SFTPD: variants seen among roughly 807,000 people sequenced by gnomAD.
The protein encoded by SFTPD is pulmonary surfactant-associated protein D.
SFTPD carries 18 observed loss-of-function variants against 34.6 expected under a neutral mutation model. The observed-to-expected ratio is 0.52, with a 90% CI of 0.36 to 0.77. The LOEUF (loss-of-function observed/expected upper bound fraction) is 0.77, where lower values mean the gene tolerates loss of function less well. Ranked by LOEUF, SFTPD falls within the 30% of genes least tolerant of loss-of-function variation. SFTPD has a pLI of 0.00. For missense variants in SFTPD, 433 were observed against 468.9 expected (o/e 0.92, Z 0.71); for synonymous variants, 155 against 180.9 (o/e 0.86, Z 1.15).
chr10:79,942,562 G>T, intron 3 of SFTPD, 58 bp from the exon 4 acceptor site: 1 of 1,171,602 alleles, frequency 8.5e-7, no homozygotes, highest in Non-Finnish European at 1.3e-6. Flanking sequence ...GGAGGAGTGT[G>T]TAGTAAGGTG....
rs721917 is a variant in SFTPD at position 79,946,568 on chromosome 10, A to G, written c.92T>C (p.Met31Thr). The change falls in exon 2 of 8, where the codon ATG becomes ACG. Residue 31 changes from methionine to threonine, a missense_variant. Coordinates refer to ENST00000372292, the MANE Select transcript of SFTPD (RefSeq NM_003019.5). The stretch of plus-strand genomic sequence containing the variant: ...CATGACCAGGGTGCAAGCACTGGGC[A>G]TTGTTCTGTGGGAGTAGGTCTTCAT... ...AEMKTYSHRT[M>T]PSACTLVMCS... 0.44 allele frequency: 708,742 copies of G among 1,613,692 alleles called. 159,571 individuals carry two copies. The highest frequency in any genetic ancestry group is 0.67 in the South Asian group (61,432 of 91,076).
intron 4 of SFTPD, 61 bp downstream of exon 4, chr10:79,942,327 A>C: frequency 2.3e-5 from 28 of 1,194,950 alleles, no homozygotes; most frequent in Non-Finnish European, 3.5e-5. Context: ...CTCAGGTCAT[A>C]TCATGGACCC....
intron 1 of SFTPD, among the ~76,000 whole-genome samples, chr10:79,955,429 A>T (rs965667975): frequency 2.6e-5 from 4 of 152,138 alleles, no homozygotes; most frequent in Middle Eastern, 3.2e-3. Context: ...AAATATAGGG[A>T]TCCTGAAGTA....
chr10:79,972,209 C>G (rs1043323741), intron 1 of SFTPD: 1 of 152,226 alleles, frequency 6.6e-6, no homozygotes, highest in African/African-American at 2.4e-5. Flanking sequence ...CACTTTAAAA[C>G]ACAAAGAGGG....
At chr10:79,976,588 T>C (rs1467830838) in intron 1 of SFTPD, among the ~76,000 whole-genome samples, 1 of 152,170 alleles carries the variant, frequency 6.6e-6, no homozygotes, top group Non-Finnish European at 1.5e-5. Flanking sequence ...TAAAGCCATC[T>C]GCACCTAAAG....
intron 1 of SFTPD, among the ~76,000 whole-genome samples, chr10:79,977,454 C>A (rs1298294245): frequency 6.6e-6 from 1 of 152,136 alleles, no homozygotes; most frequent in Non-Finnish European, 1.5e-5. Flanking sequence ...GATACTCAAT[C>A]ATAAACAAAC....
chr10:79,955,516 G>C lies in SFTPD; in HGVS notation c.37-8854C>G, dbSNP rs149491091. The stretch of plus-strand genomic sequence containing the variant: ...TATGTTCTGCAAAATCTTGAAGCTT[G>C]ATAGTCTAAACCTGTAATCCTCCAC... On this transcript the variant is annotated intron_variant, in intron 1 of 5. Transcript: ENST00000444384. Among the ~76,000 whole-genome samples, 22 of 152,228 alleles carry C rather than the reference G, an allele frequency of 1.4e-4. No homozygotes were observed. The East Asian group carries it at 1.5e-3, about 11-fold the overall frequency.
At chr10:79,969,307 C>G (rs1383072939) in intron 1 of SFTPD, 1 of 152,070 alleles carries the variant, frequency 6.6e-6, no homozygotes, top group East Asian at 1.9e-4. Flanking sequence ...AACCCTGTCT[C>G]TACTAAATAT....
intron 1 of SFTPD, among the ~76,000 whole-genome samples, chr10:79,973,948 C>T (rs1342882011): frequency 6.6e-6 from 1 of 152,136 alleles, no homozygotes; most frequent in Non-Finnish European, 1.5e-5. Context: ...TGGTGGATTA[C>T]TCCAAGTAGA....
At chr10:79,963,421 G>T (rs1842786520) in intron 1 of SFTPD, among the ~76,000 whole-genome samples, 2 of 151,230 alleles carry the variant, frequency 1.3e-5, no homozygotes, top group Non-Finnish European at 2.9e-5. Flanking sequence ...AATAAATATT[G>T]CCAGAGGCTT....
At position 79,946,571 on chromosome 10, in the gene SFTPD, G is replaced by T; in HGVS notation, c.89C>A (p.Thr30Lys). The T allele has an allele frequency of 1.2e-6, 2 of 1,614,184 alleles. No individual in the cohort carries two copies. The highest frequency in any genetic ancestry group is 1.7e-6 in the Non-Finnish European group (2 of 1,179,992). Residue 30 changes from threonine to lysine, a missense_variant, in exon 2 of 8, where the codon ACA becomes AAA. Thr to Lys is a moderately conservative substitution (Grantham distance 78). Transcript: ENST00000372292. ...GACCAGGGTGCAAGCACTGGGCATT[G>T]TTCTGTGGGAGTAGGTCTTCATTTC... ...EAEMKTYSHR[T>K]MPSACTLVMC...
intron 1 of SFTPD, among the ~76,000 whole-genome samples, chr10:79,963,626 T>C (rs542498014): frequency 6.6e-6 from 1 of 152,298 alleles, no homozygotes; most frequent in Admixed American, 6.5e-5. Flanking sequence ...TTATGACCAT[T>C]TGGATTTTCA....
upstream of SFTPD, among the ~76,000 whole-genome samples, chr10:79,952,179 G>A (rs1477175941): frequency 6.6e-6 from 1 of 152,218 alleles, no homozygotes. Flanking sequence ...TTCTGCTATG[G>A]GAATGCTGCT....
At chr10:79,977,889 T>C (rs990380899) in intron 1 of SFTPD, among the ~76,000 whole-genome samples, 2 of 152,190 alleles carry the variant, frequency 1.3e-5, no homozygotes, top group African/African-American at 4.8e-5. Context: ...AGATCTTGCA[T>C]GATACCTCAC....
At chr10:79,967,746 G>A (rs1364445856) in intron 1 of SFTPD, among the ~76,000 whole-genome samples, 10 of 152,018 alleles carry the variant, frequency 6.6e-5, no homozygotes, top group Non-Finnish European at 1.2e-4. Context: ...CATCCAGATG[G>A]CCTGAAGTAA....
intron 2 of SFTPD, among the ~76,000 whole-genome samples, chr10:79,945,701 C>G (rs1842657677): frequency 6.6e-6 from 1 of 152,170 alleles, no homozygotes; most frequent in Admixed American, 6.5e-5. Flanking sequence ...AAGCCTTTGG[C>G]TCAATGATTC....
chr10:79,959,184 A>G (rs1564533207), intron 1 of SFTPD, among the ~76,000 whole-genome samples: 1 of 150,810 alleles, frequency 6.6e-6, no homozygotes. Flanking sequence ...TGCCCACAAG[A>G]GAAAGCAGGA....
At chr10:79,947,182 C>G (rs950746931) in intron 1 of SFTPD, among the ~76,000 whole-genome samples, 1 of 152,236 alleles carries the variant, frequency 6.6e-6, no homozygotes, top group Admixed American at 6.5e-5. Context: ...AAAATGCAGC[C>G]AGAGTCCTGA....
Position 79,940,756 on chromosome 10 carries a change from A to C in SFTPD, c.700T>G (p.Leu234Val). 1.2e-6 allele frequency: 2 copies of C among 1,612,420 alleles called. No individual in the cohort carries two copies. Among genetic ancestry groups the C allele is most frequent in the East Asian group, 2.2e-5 (1 of 44,866 alleles). The change falls in exon 7 of 8, where the codon TTA becomes GTA. Residue 234 changes from leucine to valine, a missense_variant. Physicochemically the swap from Leu to Val is conservative, Grantham distance 32. Coordinates refer to ENST00000372292, the MANE Select transcript of SFTPD (RefSeq NM_003019.5). ...VASLRQQVEA[L>V]QGQVQHLQAA... ...TGGAGGTGCTGTACTTGTCCCTGTA[A>C]GGCCTCAACCTGCTGCCTCAGAGAA...
Sources: allele counts gnomAD v4.1 joint callset (sites outside exome capture counted in the v4.1 genomes callset), GRCh38; gene constraint gnomAD v4.1.1; transcripts MANE v1.5; gene names NCBI Gene and HGNC (gene_info 2026-07-23, HGNC 2026-07-21).